Variants in MPDZ observed in about 807,000 individuals in gnomAD.
The protein encoded by MPDZ is multiple PDZ domain crumbs cell polarity complex component.
In MPDZ, 234 loss-of-function variants were observed where a neutral mutation model predicts 239.1. That is an observed-to-expected ratio of 0.98 (90% CI 0.88 to 1.09). The LOEUF (loss-of-function observed/expected upper bound fraction) is 1.09, where lower values mean the gene tolerates loss of function less well. MPDZ is among the 50% of genes least tolerant of loss of function. The pLI, the probability that MPDZ is intolerant of heterozygous loss-of-function variation, is 0.00. For missense variants in MPDZ, 3,175 were observed against 2,510.0 expected (o/e 1.26, Z -5.66); for synonymous variants, 1,048 against 881.3 (o/e 1.19, Z -3.35).
Position 13,176,182 on chromosome 9 carries a change from A to G in MPDZ, c.2885T>C (p.Ile962Thr), listed in dbSNP as rs1952462394. 1.9e-6 allele frequency: 3 copies of G among 1,603,878 alleles called. No homozygotes were observed. Among genetic ancestry groups the G allele is most frequent in the Admixed American group, 1.7e-5 (1 of 58,718 alleles). ...WTESHLPSEV[I>T]SSAELPSVLP... ...CACAGAAGGAAGTTCTGCACTTGAT[A>G]TAACTTCACTTGGTAAATGAGATTC... The change falls in exon 20 of 47, where the codon ATA becomes ACA. Residue 962 changes from isoleucine to threonine, a missense_variant. Coordinates refer to ENST00000319217, the MANE Select transcript of MPDZ (RefSeq NM_001378778.1).
rs746740615 is a variant in MPDZ, at chr9:13,123,132, G to A, written c.4953+21C>T. On this transcript the variant is annotated intron_variant, in intron 36 of 46. Transcript: ENST00000319217. ...TGGCTGAAGGACGGCCTGTACAGAA[G>A]CACCTCTGGGTGGTGCTCACCAGCA... 3 of 1,598,940 alleles carry A rather than the reference G, an allele frequency of 1.9e-6. No homozygotes were observed. The African/African-American group carries it at 4.0e-5, about 21-fold the overall frequency.
chr9:13,251,128 CAAAAAAAAAAAAA>C (rs150252589), intron 1 of MPDZ, among the ~76,000 whole-genome samples: 16 of 36,462 alleles, frequency 4.4e-4, no homozygotes, highest in African/African-American at 1.9e-3. Flanking sequence ...GACTCCATCT[CAAAAAAAAAAAAA>C]AAAAAAAAAA....
chr9:13,266,087 T>C (rs748758539), intron 1 of MPDZ, among the ~76,000 whole-genome samples: 2 of 152,230 alleles, frequency 1.3e-5, no homozygotes, highest in Non-Finnish European at 2.9e-5. Flanking sequence ...GTATATTGCA[T>C]AAACTCCTTA....
intron 19 of MPDZ, 47 bp downstream of exon 19, chr9:13,183,371 A>G (rs1953634542): frequency 5.3e-6 from 8 of 1,501,362 alleles, no homozygotes; most frequent in Middle Eastern, 1.7e-4. Context: ...CTGGAAAATT[A>G]CACACAAGAC....
rs776175198 is a variant in MPDZ at position 13,190,335 on chromosome 9, T to C, written c.1969-36A>G. On this transcript the variant is annotated intron_variant, in intron 15 of 46. Transcript: ENST00000319217. ...TCAGACAGCTCTTATTTCAGAGGCA[T>C]TGCATTAGCTGACACACATACCAAC... 8 of 1,463,814 alleles carry C rather than the reference T, an allele frequency of 5.5e-6. No homozygotes were observed. The East Asian group carries it at 1.4e-4, about 26-fold the overall frequency. 90.7% of individuals were successfully genotyped at this position (1,463,814 alleles called of 1,614,324 possible). A position where few individuals can be genotyped will look rare whatever the true frequency, so the allele number is the denominator to read the frequency against.
At chr9:13,139,709 A>C (rs927646401) in intron 28 of MPDZ, among the ~76,000 whole-genome samples, 1 of 152,176 alleles carries the variant, frequency 6.6e-6, no homozygotes, top group African/African-American at 2.4e-5. Flanking sequence ...TGGCTGATCC[A>C]ATACTAGCTT....
intron 43 of MPDZ, among the ~76,000 whole-genome samples, chr9:13,111,165 T>C (rs530772416): frequency 1.3e-5 from 2 of 152,246 alleles, no homozygotes; most frequent in Non-Finnish European, 2.9e-5. Context: ...CTGCCTGTTT[T>C]GGTTAATAAA....
intron 3 of MPDZ, among the ~76,000 whole-genome samples, chr9:13,238,366 T>C (rs553967903): frequency 6.6e-6 from 1 of 152,294 alleles, no homozygotes; most frequent in East Asian, 1.9e-4. Flanking sequence ...CCTCGAACCG[T>C]GTAAACAACA....
intron 18 of MPDZ, among the ~76,000 whole-genome samples, chr9:13,184,926 T>A (rs1359794331): frequency 2.0e-5 from 3 of 151,990 alleles, no homozygotes; most frequent in Non-Finnish European, 4.4e-5. Context: ...CACATAAAAG[T>A]GGAACTAATC....
intron 11 of MPDZ, among the ~76,000 whole-genome samples, 159 bp downstream of exon 11, chr9:13,205,757 T>A (rs1336786323): frequency 6.6e-6 from 1 of 152,194 alleles, no homozygotes; most frequent in Non-Finnish European, 1.5e-5. Flanking sequence ...CTGACTTTAT[T>A]ACACTTCTTT....
chr9:13,223,133 C>T (rs1959293732), intron 5 of MPDZ, among the ~76,000 whole-genome samples: 1 of 151,938 alleles, frequency 6.6e-6, no homozygotes, highest in African/African-American at 2.4e-5. Context: ...ATATAAGGGA[C>T]TTGAGCACCT....
At chr9:13,223,289 T>G (rs2136339516) in intron 5 of MPDZ, among the ~76,000 whole-genome samples, 1 of 151,582 alleles carries the variant, frequency 6.6e-6, no homozygotes, top group South Asian at 2.1e-4. Context: ...TTTAAAAATC[T>G]AATCAAAAAG....
intron 12 of MPDZ, among the ~76,000 whole-genome samples, chr9:13,197,020 A>T (rs988676710): frequency 2.0e-5 from 3 of 151,938 alleles, no homozygotes; most frequent in Non-Finnish European, 2.9e-5. Flanking sequence ...ATGTTAAAAA[A>T]TTCAGATTTC....
chr9:13,188,798 C>A lies in MPDZ; in HGVS notation c.2350G>T (p.Ala784Ser). Residue 784 changes from alanine (A) to serine (S), a missense_variant, in exon 17 of 47, where the codon GCT (alanine) becomes TCT (serine). Ala to Ser is a moderately conservative substitution (Grantham distance 99, BLOSUM62 1). Transcript: ENST00000319217. ...TGAATTCTTACGGGTAAAGGCTTAG[C>A]AACTCCTATTCTCACAGTCCCTGAC... ...APSGTVRIGV[A>S]KPLPLSPEEG... 6.2e-7 allele frequency: 1 copy of A among 1,613,044 alleles called. No homozygotes were observed. Among genetic ancestry groups the A allele is most frequent in the Non-Finnish European group, 8.5e-7 (1 of 1,179,274 alleles).
rs767504930 is a variant in MPDZ at position 13,222,372 on chromosome 9, T to G, written c.608A>C (p.Gln203Pro). The G allele has an allele frequency of 6.2e-7, 1 of 1,612,822 alleles. No homozygotes were observed. Among genetic ancestry groups the G allele is most frequent in the Admixed American group, 1.7e-5 (1 of 59,864 alleles). Residue 203 changes from glutamine (Q) to proline (P), a missense_variant, in exon 6 of 47, where the codon CAG becomes CCG. Physicochemically the swap from Gln to Pro is moderately conservative, Grantham distance 76 (BLOSUM62 -1). Transcript: ENST00000319217. ...GQALDQTITH[Q>P]QAISILQKAK... The stretch of plus-strand genomic sequence containing the variant: ...TTTCTGCAGGATGCTGATAGCCTGC[T>G]GATGTGTAATTGTCTGATCAAGAGC...
chr9:13,142,269 TTGTC>T (rs1263864308), intron 27 of MPDZ, among the ~76,000 whole-genome samples: 1 of 152,060 alleles, frequency 6.6e-6, no homozygotes, highest in Non-Finnish European at 1.5e-5. Flanking sequence ...ATCTGAAAAA[TTGTC>T]TGGGATCTCA....
chr9:13,193,248 T>A lies in MPDZ; in HGVS notation c.1722A>T (p.Gly574=). 2.5e-6 allele frequency: 4 copies of A among 1,612,492 alleles called. No individual in the cohort carries two copies. The highest frequency in any genetic ancestry group is 3.4e-6 in the Non-Finnish European group (4 of 1,179,032). The change falls in exon 14 of 47, where the codon GGA becomes GGT. Residue 574 remains glycine (G), a synonymous_variant. Coordinates refer to ENST00000319217, the MANE Select transcript of MPDZ (RefSeq NM_001378778.1). The stretch of plus-strand genomic sequence containing the variant: ...GTAGAACAGATCGGATAAAATGATG[T>A]CCCACTGTCGCTTCCAGGCTTATCC... The part of the protein sequence containing the change: ...GLGISLEATV[G]HHFIRSVLPE...
intron 10 of MPDZ, among the ~76,000 whole-genome samples, chr9:13,206,764 G>A (rs1391037175): frequency 6.6e-6 from 1 of 151,940 alleles, no homozygotes; most frequent in Non-Finnish European, 1.5e-5. Context: ...GGATGGTCTC[G>A]ATCTCTTGAC....
intron 8 of MPDZ, among the ~76,000 whole-genome samples, chr9:13,217,625 G>A (rs1310170514): frequency 1.3e-5 from 2 of 151,770 alleles, no homozygotes; most frequent in Non-Finnish European, 2.9e-5. Flanking sequence ...TTAATTTCTG[G>A]AGAAGTCAGG....
Sources: gnomAD v4.1 joint callset for allele counts (sites outside exome capture counted in the v4.1 genomes callset) on GRCh38, gnomAD v4.1.1 for gene constraint, MANE v1.5 for transcripts, NCBI Gene and HGNC (gene_info 2026-07-23, HGNC 2026-07-21) for gene names.